NCOA2: variants seen among roughly 807,000 people sequenced by gnomAD.
NCOA2 encodes the protein class E basic helix-loop-helix protein 75.
A neutral mutation model predicts 145.1 loss-of-function variants in NCOA2; 21 were observed. The observed-to-expected ratio is 0.14, with a 90% CI of 0.10 to 0.21. The LOEUF (loss-of-function observed/expected upper bound fraction) is 0.21. NCOA2 is among the 10% of genes least tolerant of loss of function. The probability of loss-of-function intolerance (pLI) is 1.00; values close to 1 mark genes in which losing one functional copy is unlikely to be tolerated. For synonymous variants in NCOA2, 619 were observed against 637.5 expected (o/e 0.97, Z 0.44); for missense variants, 1,472 against 1,837.6 (o/e 0.80, Z 3.64).
rs751432813 is a variant in NCOA2 at position 70,174,777 on chromosome 8, C to T, written c.342G>A (p.Ala114=). The change falls in exon 5 of 23, where the codon GCG becomes GCA. Residue 114 remains alanine, a synonymous_variant. Coordinates refer to ENST00000452400, the MANE Select transcript of NCOA2 (RefSeq NM_006540.4). Reference sequence around the variant, plus strand: ...CTACCTCAAGCATCATAGGCCCCAGCGCATCCTTGTCGATGACACCCTGCC... The same window carrying T: ...CTACCTCAAGCATCATAGGCCCCAGTGCATCCTTGTCGATGACACCCTGCC... ...STGQGVIDKD[A]LGPMMLEALD... is the part of the protein sequence containing the mutation. 9.3e-6 allele frequency: 15 copies of T among 1,613,522 alleles called. No individual in the cohort carries two copies. The highest frequency in any genetic ancestry group is 4.0e-5 in the African/African-American group (3 of 74,902).
At chr8:70,248,283 C>T (rs1396330603) in intron 2 of NCOA2, among the ~76,000 whole-genome samples, 2 of 152,150 alleles carry the variant, frequency 1.3e-5, no homozygotes. Context: ...ATAGTTGAGA[C>T]AAATGAAAGC....
At chr8:70,219,963 A>G in intron 2 of NCOA2, among the ~76,000 whole-genome samples, 1 of 152,266 alleles carries the variant, frequency 6.6e-6, no homozygotes, top group East Asian at 1.9e-4. Flanking sequence ...CCAGAGAGAG[A>G]TAGATAAGTT....
chr8:70,336,456 C>T (rs1807595741), intron 1 of NCOA2, among the ~76,000 whole-genome samples: 1 of 152,092 alleles, frequency 6.6e-6, no homozygotes. Context: ...CCCATTTTCA[C>T]ACTACTATAA....
chr8:70,194,243 A>T (rs1817013574), intron 4 of NCOA2, among the ~76,000 whole-genome samples: 1 of 152,242 alleles, frequency 6.6e-6, no homozygotes, highest in Non-Finnish European at 1.5e-5. Flanking sequence ...TTCTAGGTGG[A>T]AGTTCAGATT....
At chr8:70,365,753 A>T (rs546397517) in intron 1 of NCOA2, among the ~76,000 whole-genome samples, 5 of 152,236 alleles carry the variant, frequency 3.3e-5, no homozygotes, top group Non-Finnish European at 7.3e-5. Flanking sequence ...GTGGCAGAAG[A>T]ACAGAAAACA....
intron 1 of NCOA2, among the ~76,000 whole-genome samples, chr8:70,371,976 C>T (rs187684478): frequency 1.3e-5 from 2 of 152,216 alleles, no homozygotes; most frequent in Admixed American, 1.3e-4. Flanking sequence ...CAAATCTACA[C>T]TGTGTATCTT....
At chr8:70,452,307 G>A in the NCOA2 span, among the ~76,000 whole-genome samples, 3 of 152,064 alleles carry the variant, frequency 2.0e-5, no homozygotes, top group Non-Finnish European at 4.4e-5. Flanking sequence ...GTTCTCCAAA[G>A]AAATAAAAAG....
At chr8:70,283,594 T>C (rs1466280761) in intron 2 of NCOA2, among the ~76,000 whole-genome samples, 1 of 152,356 alleles carries the variant, frequency 6.6e-6, no homozygotes, top group Non-Finnish European at 1.5e-5. Context: ...TTATTTGCTA[T>C]AGTAATTGGT....
At chr8:70,257,214 A>G (rs1823708013) in intron 2 of NCOA2, among the ~76,000 whole-genome samples, 1 of 152,220 alleles carries the variant, frequency 6.6e-6, no homozygotes, top group Non-Finnish European at 1.5e-5. Flanking sequence ...TGCTATAAAT[A>G]AAACTTCATA....
chr8:70,209,577 C>A (rs1031275365), intron 4 of NCOA2, among the ~76,000 whole-genome samples: 4 of 152,170 alleles, frequency 2.6e-5, no homozygotes, highest in Non-Finnish European at 4.4e-5. Flanking sequence ...GCCACCCCAG[C>A]CTTTAGCAAC....
rs56218328 is a variant in NCOA2 at position 70,326,429 on chromosome 8, TCACA to T, written c.-76-29633_-76-29630del. 4.1e-3 allele frequency among the ~76,000 whole-genome samples: 606 copies of T among 149,214 alleles called. 7 individuals carry two copies. The highest frequency in any genetic ancestry group is 0.012 in the African/African-American group (480 of 40,646). ...ACTACCCTTTCTGCATTTCTCTCTC[TCACA>T]CACACACACACACACACGTGCACAC... On this transcript the variant is annotated intron_variant, in intron 1 of 22. Coordinates refer to ENST00000452400, the MANE Select transcript of NCOA2 (RefSeq NM_006540.4).
chr8:70,198,082 T>A (rs1183614041), intron 4 of NCOA2, among the ~76,000 whole-genome samples: 1 of 152,156 alleles, frequency 6.6e-6, no homozygotes, highest in Non-Finnish European at 1.5e-5. Context: ...ATAACAGGTG[T>A]GAGTAATGGC....
At chr8:70,218,340 G>C (rs1819843565) in intron 2 of NCOA2, among the ~76,000 whole-genome samples, 1 of 151,864 alleles carries the variant, frequency 6.6e-6, no homozygotes, top group South Asian at 2.1e-4. Context: ...TGATACCCAA[G>C]CTTCTTGCTG....
chr8:70,152,947 A>G (rs1338448399), intron 11 of NCOA2, among the ~76,000 whole-genome samples: 4 of 152,276 alleles, frequency 2.6e-5, no homozygotes, highest in African/African-American at 4.8e-5. Flanking sequence ...AAAGTCTTCA[A>G]TAAGTTTGTA....
chr8:70,331,294 T>C (rs530260184), intron 1 of NCOA2, among the ~76,000 whole-genome samples: 155 of 152,234 alleles, frequency 1.0e-3, no homozygotes, highest in Non-Finnish European at 1.7e-3. Context: ...CAATAGAGTA[T>C]AGCACATAAT....
chr8:70,166,021 A>T (rs1813575793), intron 7 of NCOA2, among the ~76,000 whole-genome samples: 1 of 151,854 alleles, frequency 6.6e-6, no homozygotes. Flanking sequence ...ACAGGGTTTC[A>T]CCATGTTGGC....
chr8:70,231,066 C>A (rs1202210357), intron 2 of NCOA2, among the ~76,000 whole-genome samples: 3 of 152,168 alleles, frequency 2.0e-5, no homozygotes, highest in Admixed American at 2.0e-4. Context: ...TATATACCTA[C>A]AATAGTCTTA....
the NCOA2 span, among the ~76,000 whole-genome samples, chr8:70,417,921 G>A: frequency 6.7e-6 from 1 of 149,244 alleles, no homozygotes; most frequent in African/African-American, 2.4e-5. Flanking sequence ...TCAGAGGCAC[G>A]AGAGAGCCAA....
At chr8:70,292,255 C>T (rs1483628444) in intron 2 of NCOA2, among the ~76,000 whole-genome samples, 3 of 151,732 alleles carry the variant, frequency 2.0e-5, no homozygotes, top group East Asian at 2.0e-4. Flanking sequence ...TGGGTTCAAG[C>T]GATTCTCCCA....
Sources: allele counts gnomAD v4.1 joint callset (sites outside exome capture counted in the v4.1 genomes callset), GRCh38; gene constraint gnomAD v4.1.1; transcripts MANE v1.5; gene names NCBI Gene and HGNC (gene_info 2026-07-23, HGNC 2026-07-21).